Variants in TNIK observed in about 807,000 individuals in gnomAD.
The protein encoded by TNIK is TRAF2 and NCK-interacting protein kinase.
In TNIK, 49 loss-of-function variants were observed where a neutral mutation model predicts 191.3. The ratio of observed to expected loss-of-function variants is 0.26; its 90% CI spans 0.20 to 0.32. TNIK has a LOEUF of 0.32. Among genes scored for constraint, TNIK ranks in the 10% least tolerant of loss-of-function variants. The probability of loss-of-function intolerance (pLI) is 1.00; values close to 1 mark genes in which losing one functional copy is unlikely to be tolerated. For synonymous variants in TNIK, 594 were observed against 600.9 expected (o/e 0.99, Z 0.17); for missense variants, 1,155 against 1,702.3 (o/e 0.68, Z 5.66).
Position 171,126,087 on chromosome 3 carries a change from T to C in TNIK, c.1838A>G (p.Glu613Gly). Residue 613 changes from glutamate (E) to glycine (G), a missense_variant, in exon 17 of 33, where the codon GAG (glutamate) becomes GGG (glycine). Transcript: ENST00000436636. ...PALTASQSVH[E>G]QPTKGLSGFQ... ...CCCAGAGAGGCCCTTTGTGGGCTGC[T>C]CGTGCACTGACTGGGAGGCGGTCAA... The C allele has an allele frequency of 6.2e-7, 1 of 1,605,908 alleles. No homozygotes were observed. Among genetic ancestry groups the C allele is most frequent in the African/African-American group, 1.3e-5 (1 of 74,682 alleles).
chr3:171,236,337 C>T (rs114003309), intron 2 of TNIK, among the ~76,000 whole-genome samples: 1,621 of 152,258 alleles, frequency 0.011, 23 homozygotes, highest in African/African-American at 0.037. Context: ...GAATGGCTTA[C>T]GGTGTCCTAA....
At chr3:171,347,116 G>C in intron 2 of TNIK, 1 of 1,506,428 alleles carries the variant, frequency 6.6e-7, no homozygotes, top group East Asian at 2.5e-5. Context: ...TTAGGAAATA[G>C]GATCAGCTGG....
chr3:171,419,937 C>T (rs59748089), intron 1 of TNIK, among the ~76,000 whole-genome samples: 1 of 152,038 alleles, frequency 6.6e-6, no homozygotes, highest in East Asian at 1.9e-4. Flanking sequence ...AGAGTCAGTG[C>T]CACTTACCTA....
chr3:171,362,769 T>C (rs1172501488), intron 2 of TNIK, among the ~76,000 whole-genome samples: 1 of 152,210 alleles, frequency 6.6e-6, no homozygotes, highest in African/African-American at 2.4e-5. Flanking sequence ...TTCACATGAC[T>C]GGAACAGAGC....
chr3:171,427,022 T>G lies in TNIK; in HGVS notation c.57+32985A>C, dbSNP rs146388486. Reference sequence around the variant, plus strand: ...CACAGACGAAAGGGATACAGAATGATAAAGCATAAAATTTGGGAGCTGGAT... The same window carrying G: ...CACAGACGAAAGGGATACAGAATGAGAAAGCATAAAATTTGGGAGCTGGAT... On this transcript the variant is annotated intron_variant, in intron 1 of 32. Transcript: ENST00000436636. Among the ~76,000 whole-genome samples the G allele has an allele frequency of 2.6e-3, 399 of 152,326 alleles. 1 individual carries two copies. The highest frequency in any genetic ancestry group is 8.8e-3 in the African/African-American group (365 of 41,560).
At chr3:171,430,940 C>A (rs1349049492) in intron 1 of TNIK, among the ~76,000 whole-genome samples, 3 of 152,026 alleles carry the variant, frequency 2.0e-5, no homozygotes, top group Non-Finnish European at 4.4e-5. Context: ...TAATTTTAAT[C>A]AATTTGCATG....
intron 16 of TNIK, among the ~76,000 whole-genome samples, chr3:171,126,760 C>T (rs1177062751): frequency 6.6e-6 from 1 of 152,230 alleles, no homozygotes; most frequent in Non-Finnish European, 1.5e-5. Flanking sequence ...CTACTTTCTC[C>T]TGTGCTGGCT....
chr3:171,130,533 G>T (rs556033524), intron 15 of TNIK, among the ~76,000 whole-genome samples: 1 of 152,294 alleles, frequency 6.6e-6, no homozygotes, highest in Admixed American at 6.5e-5. Flanking sequence ...TTTGGCTATT[G>T]CATTGAGCAA....
At chr3:171,264,026 GTGTGTGTGTGTATATATA>G (rs1204191778) in intron 2 of TNIK, among the ~76,000 whole-genome samples, 10 of 150,966 alleles carry the variant, frequency 6.6e-5, no homozygotes, top group Non-Finnish European at 1.2e-4. Context: ...ATATGTATGT[GTGTGTGTGTGTATATATA>G]TGTGTGTGTG....
At chr3:171,311,580 C>T (rs534826317) in intron 2 of TNIK, among the ~76,000 whole-genome samples, 1 of 152,120 alleles carries the variant, frequency 6.6e-6, no homozygotes, top group African/African-American at 2.4e-5. Flanking sequence ...TTCCAGAGCA[C>T]ACGCTGATTT....
At chr3:171,330,171 T>C (rs1756253290) in intron 2 of TNIK, among the ~76,000 whole-genome samples, 1 of 152,266 alleles carries the variant, frequency 6.6e-6, no homozygotes, top group Non-Finnish European at 1.5e-5. Flanking sequence ...GGAGAAGGCC[T>C]AGCTGTGCTG....
rs368618068 is a variant in TNIK at position 171,331,618 on chromosome 3, T to C, written c.123+38002A>G. Among the ~76,000 whole-genome samples, 30 of 152,358 alleles carry C rather than the reference T, an allele frequency of 2.0e-4. 1 individual carries two copies. The South Asian group carries it at 5.8e-3, about 29-fold the overall frequency. On this transcript the variant is annotated intron_variant, in intron 2 of 32. Transcript: ENST00000436636. Reference sequence around the variant, plus strand: ...TTTGGTCTCAAATACAAGTCTATTTTGGCATCAAATCCAAAAGCAAGCCTA... The same window carrying C: ...TTTGGTCTCAAATACAAGTCTATTTCGGCATCAAATCCAAAAGCAAGCCTA...
chr3:171,298,787 C>T (rs1240304950), intron 2 of TNIK, among the ~76,000 whole-genome samples: 4 of 152,202 alleles, frequency 2.6e-5, no homozygotes, highest in African/African-American at 9.7e-5. Flanking sequence ...TCCTGCAGCA[C>T]ATCTATCCTA....
chr3:171,147,747 C>T lies in TNIK; in HGVS notation c.1222-7238G>A, dbSNP rs1731827190. Among the ~76,000 whole-genome samples, 2 of 152,126 alleles carry T rather than the reference C, an allele frequency of 1.3e-5. 1 individual carries two copies. Among genetic ancestry groups the T allele is most frequent in the South Asian group, 4.1e-4 (2 of 4,828 alleles). Reference sequence around the variant, plus strand: ...TGAGGCAGGTAATACTGTCATCACCCCCATTTGACAGTTAAGGAAACTGAG... The same window carrying T: ...TGAGGCAGGTAATACTGTCATCACCTCCATTTGACAGTTAAGGAAACTGAG... On this transcript the variant is annotated intron_variant, in intron 12 of 32. Transcript: ENST00000436636.
At chr3:171,195,573 A>T (rs1438993797) in intron 4 of TNIK, among the ~76,000 whole-genome samples, 1 of 150,898 alleles carries the variant, frequency 6.6e-6, no homozygotes, top group Non-Finnish European at 1.5e-5. Flanking sequence ...TATCAGCACT[A>T]TGTTTCCAGG....
At chr3:171,291,594 G>A (rs1474442626) in intron 2 of TNIK, among the ~76,000 whole-genome samples, 1 of 152,182 alleles carries the variant, frequency 6.6e-6, no homozygotes, top group African/African-American at 2.4e-5. Flanking sequence ...CATAGCTCCA[G>A]ATGCGTGTCC....
chr3:171,262,269 G>A (rs1747733049), intron 2 of TNIK, among the ~76,000 whole-genome samples: 1 of 151,976 alleles, frequency 6.6e-6, no homozygotes, highest in Non-Finnish European at 1.5e-5. Flanking sequence ...CTGTCCTCAT[G>A]TACCCCTCCC....
At chr3:171,396,911 A>T (rs1023176663) in intron 1 of TNIK, among the ~76,000 whole-genome samples, 1 of 152,222 alleles carries the variant, frequency 6.6e-6, no homozygotes, top group African/African-American at 2.4e-5. Context: ...AAATGGACTC[A>T]TATTGAAGAC....
At chr3:171,382,209 T>C (rs1718121641) in intron 1 of TNIK, among the ~76,000 whole-genome samples, 1 of 145,762 alleles carries the variant, frequency 6.9e-6, no homozygotes, top group South Asian at 2.2e-4. Context: ...CTAAGGTTGT[T>C]GAATACATCT....
Sources: gnomAD v4.1 joint callset for allele counts (sites outside exome capture counted in the v4.1 genomes callset) on GRCh38, gnomAD v4.1.1 for gene constraint, MANE v1.5 for transcripts, NCBI Gene and HGNC (gene_info 2026-07-23, HGNC 2026-07-21) for gene names.